The following TRAK1 variants were observed in gnomAD, a reference collection of about 807,000 sequenced individuals.
TRAK1 encodes the protein trafficking kinesin protein 1, also known as trafficking kinesin-binding protein 1.
TRAK1 carries 33 observed loss-of-function variants against 92.1 expected under a neutral mutation model. The observed-to-expected ratio is 0.36, with a 90% CI of 0.27 to 0.48. TRAK1 has a LOEUF of 0.48. Among genes scored for constraint, TRAK1 ranks in the 20% least tolerant of loss-of-function variants. The pLI is 0.99. For missense variants in TRAK1, 1,123 were observed against 1,257.9 expected, an observed-to-expected ratio of 0.89 and a Z score of 1.62; for synonymous variants, 521 against 517.3, an observed-to-expected ratio of 1.01 and a Z score of -0.10.
intron 14 of TRAK1, chr3:42,212,341 AG>A (rs1374734178): frequency 2.0e-6 from 2 of 985,340 alleles, no homozygotes; most frequent in Non-Finnish European, 2.4e-6. Flanking sequence ...AACACTCAGT[AG>A]GGAGACACTT....
intron 1 of TRAK1, among the ~76,000 whole-genome samples, chr3:42,123,616 C>T (rs919710398): frequency 3.3e-5 from 5 of 152,230 alleles, no homozygotes; most frequent in African/African-American, 9.7e-5. Flanking sequence ...TTTATCTTAC[C>T]GTGTTTAGGA....
chr3:42,053,020 A>G (rs759997244), intron 1 of TRAK1, among the ~76,000 whole-genome samples: 12 of 152,148 alleles, frequency 7.9e-5, no homozygotes, highest in Non-Finnish European at 1.5e-4. Context: ...CTCCATTGCC[A>G]TTTAGATTTC....
intron 2 of TRAK1, chr3:42,160,072 C>T: frequency 1.2e-6 from 1 of 861,892 alleles, no homozygotes; most frequent in African/African-American, 1.7e-5. Context: ...CTCTGAATCT[C>T]CTGCGCCTAG....
chr3:42,150,535 A>G (rs1699843264), intron 2 of TRAK1, among the ~76,000 whole-genome samples: 2 of 152,190 alleles, frequency 1.3e-5, no homozygotes, highest in South Asian at 2.1e-4. Context: ...CCAGCCCTAT[A>G]TGAGCCATTA....
intron 1 of TRAK1, among the ~76,000 whole-genome samples, chr3:42,042,054 A>G (rs1208467264): frequency 1.3e-5 from 2 of 152,160 alleles, no homozygotes; most frequent in East Asian, 3.9e-4. Context: ...GGCCTCCCAA[A>G]GTGCTGGAAT....
intron 2 of TRAK1, among the ~76,000 whole-genome samples, chr3:42,144,416 C>T (rs1699080293): frequency 6.6e-6 from 1 of 152,016 alleles, no homozygotes. Flanking sequence ...TTATAATCAC[C>T]CCCATTTAGC....
chr3:42,189,226 C>T, intron 6 of TRAK1, 102 bp downstream of exon 6: 2 of 856,500 alleles, frequency 2.3e-6, no homozygotes, highest in Non-Finnish European at 1.9e-6. Context: ...TCAAAGCTGG[C>T]AGTCTGTGAA....
chr3:42,135,463 C>G (rs1000163956), intron 2 of TRAK1, among the ~76,000 whole-genome samples: 1 of 152,172 alleles, frequency 6.6e-6, no homozygotes, highest in Middle Eastern at 3.2e-3. Flanking sequence ...CACAGTGGCT[C>G]ACACCTGTAA....
intron 4 of TRAK1, among the ~76,000 whole-genome samples, chr3:42,185,875 C>A (rs6788930): frequency 1.4e-4 from 21 of 151,056 alleles, no homozygotes. Context: ...GGTTTCACCA[C>A]GTTGGCCAGG....
chr3:42,030,372 A>AAAATATATAT (rs540353037), intron 1 of TRAK1, among the ~76,000 whole-genome samples: 16 of 132,320 alleles, frequency 1.2e-4, no homozygotes, highest in East Asian at 4.5e-4. Flanking sequence ...TAAAAAAAAA[A>AAAATATATAT]ATATATATAT....
At chr3:42,110,553 T>G (rs577296368) in intron 1 of TRAK1, among the ~76,000 whole-genome samples, 25 of 152,326 alleles carry the variant, frequency 1.6e-4, no homozygotes, top group African/African-American at 5.5e-4. Flanking sequence ...ATTCACACTA[T>G]TCTGACTTCC....
At position 42,106,580 on chromosome 3, in the gene TRAK1, A is replaced by T. The variant is rs80314177; in HGVS notation, c.91+15020A>T. Among the ~76,000 whole-genome samples, 20 of 152,360 alleles carry T rather than the reference A, an allele frequency of 1.3e-4. No individual in the cohort carries two copies. In the East Asian group the frequency reaches 3.8e-3, roughly 29 times the overall value. ...CTTTATGTGCACTGGAGTCTTGTGT[A>T]TAGTGACTCTATCACCTGAATAATT... On this transcript the variant is annotated intron_variant, in intron 1 of 15. Coordinates refer to ENST00000327628, the MANE Select transcript of TRAK1 (RefSeq NM_001042646.3).
intron 2 of TRAK1, among the ~76,000 whole-genome samples, chr3:42,139,676 G>A (rs559969015): frequency 6.6e-6 from 1 of 152,250 alleles, no homozygotes; most frequent in South Asian, 2.1e-4. Flanking sequence ...CCAATGTTGA[G>A]TATTTATTTT....
chr3:42,125,771 A>C (rs1710476356), intron 2 of TRAK1, among the ~76,000 whole-genome samples, 157 bp downstream of exon 2: 1 of 152,248 alleles, frequency 6.6e-6, no homozygotes, highest in Admixed American at 6.5e-5. Flanking sequence ...TAACCGCACA[A>C]AAGGTCCCAA....
intron 3 of TRAK1, among the ~76,000 whole-genome samples, chr3:42,182,553 G>A (rs540927977): frequency 2.6e-5 from 4 of 152,238 alleles, no homozygotes; most frequent in East Asian, 3.9e-4. Flanking sequence ...CCGGGATTAC[G>A]GGTGAGAGCC....
chr3:42,219,201 C>T (rs1239240235), intron 14 of TRAK1: 13 of 984,658 alleles, frequency 1.3e-5, no homozygotes, highest in Middle Eastern at 1.0e-3. Context: ...CCACCCCCCT[C>T]GCCTCCCACC....
chr3:42,196,650 G>T (rs149524165), intron 10 of TRAK1, among the ~76,000 whole-genome samples: 8,237 of 148,386 alleles, frequency 0.056, 225 homozygotes, highest in Middle Eastern at 0.079. Context: ...CGATTCTCCT[G>T]CCTCAACCTC....
chr3:42,024,109 C>T (rs1472311226), intron 1 of TRAK1, among the ~76,000 whole-genome samples: 1 of 151,984 alleles, frequency 6.6e-6, no homozygotes, highest in Non-Finnish European at 1.5e-5. Context: ...CTGGGCCTGA[C>T]ACTTCGAAGA....
chr3:42,013,502 G>A (rs1007342172), upstream of TRAK1, among the ~76,000 whole-genome samples: 2 of 151,676 alleles, frequency 1.3e-5, no homozygotes, highest in African/African-American at 2.4e-5. The surrounding 1 kb of genome is among the most constrained non-coding windows in gnomAD (Gnocchi z 5.1). Context: ...CGCGGCTCCA[G>A]GCGACTAGGA....
Sources: allele counts gnomAD v4.1 joint callset (sites outside exome capture counted in the v4.1 genomes callset), GRCh38; gene constraint gnomAD v4.1.1; non-coding constraint Gnocchi (gnomAD v3.1); transcripts MANE v1.5; gene names NCBI Gene and HGNC (gene_info 2026-07-23, HGNC 2026-07-21).